The following TMEM38B variants were observed in gnomAD, a reference collection of about 807,000 sequenced individuals.
TMEM38B encodes the protein transmembrane protein 38B, also known as trimeric intracellular cation channel type B.
TMEM38B carries 24 observed loss-of-function variants against 28.7 expected under a neutral mutation model. That is an observed-to-expected ratio of 0.84 (90% CI 0.61 to 1.18). The LOEUF is 1.18. Among genes scored for constraint, TMEM38B ranks in the 50% most tolerant of loss-of-function variants. The probability of loss-of-function intolerance (pLI) is 0.00; values close to 1 mark genes in which losing one functional copy is unlikely to be tolerated. For synonymous variants in TMEM38B, 131 were observed against 127.7 expected (o/e 1.03, Z -0.17); for missense variants, 380 against 350.9 (o/e 1.08, Z -0.66).
chr9:105,707,084 A>G (rs149162684), intron 2 of TMEM38B, among the ~76,000 whole-genome samples: 294 of 152,258 alleles, frequency 1.9e-3, no homozygotes, highest in African/African-American at 6.6e-3. Context: ...AGCCTGTCTT[A>G]TGTATCTTTA....
chr9:105,768,313 A>G (rs1388283694), intron 5 of TMEM38B, among the ~76,000 whole-genome samples: 5 of 152,164 alleles, frequency 3.3e-5, no homozygotes, highest in African/African-American at 9.6e-5. Flanking sequence ...CTTTTTGCAT[A>G]TTACTGAATC....
intron 4 of TMEM38B, among the ~76,000 whole-genome samples, chr9:105,743,113 C>T (rs1433071083): frequency 1.3e-5 from 2 of 152,138 alleles, no homozygotes; most frequent in Non-Finnish European, 2.9e-5. Context: ...TAAAATAAAA[C>T]ATGACTGTTA....
Position 105,774,843 on chromosome 9 carries a change from T to C in TMEM38B, c.*763T>C, listed in dbSNP as rs1183975193. ...TTTTAATAAATTGTTAATCCTATGT[T>C]TTGTAATTTTCATTTTAGGAGCTTG... is the stretch of plus-strand genomic sequence containing the variant. On this transcript the variant is annotated 3_prime_UTR_variant, in exon 6 of 6. Coordinates refer to ENST00000374692, the MANE Select transcript of TMEM38B (RefSeq NM_018112.3). 1 of 152,028 alleles carries C rather than the reference T, an allele frequency of 6.6e-6. No individual in the cohort carries two copies. The allele number at this position is 152,028 out of a possible 1,614,324, so 9.4% of individuals were successfully genotyped here.
intron 5 of TMEM38B, among the ~76,000 whole-genome samples, chr9:105,766,608 A>T (rs922357430): frequency 5.3e-5 from 8 of 151,964 alleles, no homozygotes; most frequent in Non-Finnish European, 1.2e-4. Flanking sequence ...ATTTTGATGA[A>T]GTTTACTTTA....
At chr9:105,724,629 A>T (rs1836441991) in intron 4 of TMEM38B, among the ~76,000 whole-genome samples, 1 of 144,704 alleles carries the variant, frequency 6.9e-6, no homozygotes, top group African/African-American at 2.8e-5. Context: ...GTCTCAAAAA[A>T]AAAAAAAAGA....
At chr9:105,725,027 C>T (rs1206875678) in intron 4 of TMEM38B, among the ~76,000 whole-genome samples, 1 of 152,116 alleles carries the variant, frequency 6.6e-6, no homozygotes, top group Non-Finnish European at 1.5e-5. Context: ...TCACTCTACT[C>T]CATGCTTGAG....
chr9:105,720,012 C>G (rs560461073), intron 2 of TMEM38B, among the ~76,000 whole-genome samples: 18 of 152,008 alleles, frequency 1.2e-4, no homozygotes, highest in Non-Finnish European at 2.4e-4. Flanking sequence ...TACAGACTTT[C>G]AAATTTTCTA....
chr9:105,733,328 C>T (rs1255296636), intron 4 of TMEM38B, among the ~76,000 whole-genome samples: 2 of 151,950 alleles, frequency 1.3e-5, no homozygotes, highest in African/African-American at 4.8e-5. Context: ...GGTGGTTCTC[C>T]ATCTTGGCTA....
intron 5 of TMEM38B, among the ~76,000 whole-genome samples, chr9:105,763,719 T>G (rs1282759991): frequency 2.0e-5 from 3 of 152,300 alleles, no homozygotes; most frequent in Admixed American, 1.3e-4. Flanking sequence ...GAATCCTCCC[T>G]TACTCATTTT....
At chr9:105,759,558 T>C in intron 5 of TMEM38B, 1 of 1,554,998 alleles carries the variant, frequency 6.4e-7, no homozygotes, top group Non-Finnish European at 8.9e-7. Flanking sequence ...TGTCCTCTAA[T>C]AGCAAACCAA....
intron 2 of TMEM38B, among the ~76,000 whole-genome samples, chr9:105,720,675 A>G (rs1373468703): frequency 6.6e-6 from 1 of 152,138 alleles, no homozygotes; most frequent in Non-Finnish European, 1.5e-5. Context: ...TAAGATTAAT[A>G]GCTTCTTTTA....
At chr9:105,744,562 C>T (rs1278287607) in intron 4 of TMEM38B, among the ~76,000 whole-genome samples, 2 of 151,328 alleles carry the variant, frequency 1.3e-5, no homozygotes, top group South Asian at 4.2e-4. Context: ...AATGTAATTT[C>T]TTTTTTTTAT....
At chr9:105,732,551 T>C (rs1247923237) in intron 4 of TMEM38B, among the ~76,000 whole-genome samples, 1 of 152,206 alleles carries the variant, frequency 6.6e-6, no homozygotes, top group Non-Finnish European at 1.5e-5. Context: ...CCCAGCACCA[T>C]TTATTAAATA....
intron 4 of TMEM38B, among the ~76,000 whole-genome samples, chr9:105,740,228 T>G (rs1837147747): frequency 6.6e-6 from 1 of 150,940 alleles, no homozygotes; most frequent in Non-Finnish European, 1.5e-5. Context: ...TGTGCAAGTC[T>G]TCCACTTCCT....
chr9:105,751,036 T>G (rs1355214129), intron 5 of TMEM38B, among the ~76,000 whole-genome samples: 5 of 152,216 alleles, frequency 3.3e-5, no homozygotes, highest in Non-Finnish European at 7.3e-5. Context: ...TCTTAATTGT[T>G]GTAGCATTGT....
Position 105,773,856 on chromosome 9 carries a change from T to C in TMEM38B, c.661-9T>C. 1.3e-6 allele frequency: 2 copies of C among 1,593,514 alleles called. No individual in the cohort carries two copies. The highest frequency in any genetic ancestry group is 2.7e-5 in the African/African-American group (2 of 74,236). ...TATTTAAATTCAAAATTAAACTTTT[T>C]TCCCCCAGATAACCATGATGACTAC... On this transcript the variant is annotated splice_polypyrimidine_tract_variant and intron_variant, in intron 5 of 5. Transcript: ENST00000374692.
rs182669022 is a variant in TMEM38B at position 105,730,349 on chromosome 9, C to T, written c.542+7728C>T. On this transcript the variant is annotated intron_variant, in intron 4 of 5. Transcript: ENST00000374692. ...TATTGAGATAATCATGTGGTTTTTT[C>T]GTTGGTCCTGTTTGGATTACGTTTA... Among the ~76,000 whole-genome samples the T allele has an allele frequency of 1.1e-3, 170 of 151,356 alleles. 1 individual carries two copies. The highest frequency in any genetic ancestry group is 3.9e-3 in the African/African-American group (160 of 41,404).
chr9:105,735,437 G>T (rs1009462153), intron 4 of TMEM38B, among the ~76,000 whole-genome samples: 2 of 152,194 alleles, frequency 1.3e-5, no homozygotes, highest in Admixed American at 6.5e-5. Context: ...TTTGCTTTCA[G>T]TTGTGGCACT....
chr9:105,764,047 ACT>A (rs1419850919), intron 5 of TMEM38B, among the ~76,000 whole-genome samples: 6 of 148,472 alleles, frequency 4.0e-5, no homozygotes, highest in Admixed American at 2.0e-4. Flanking sequence ...CATGCTAAAA[ACT>A]CTCAATAAAT....
Sources: allele counts gnomAD v4.1 joint callset (sites outside exome capture counted in the v4.1 genomes callset), GRCh38; gene constraint gnomAD v4.1.1; transcripts MANE v1.5; gene names NCBI Gene and HGNC (gene_info 2026-07-23, HGNC 2026-07-21).